The following KCNIP4 variants were observed in gnomAD, a reference collection of about 807,000 sequenced individuals.
KCNIP4 encodes the protein Kv channel-interacting protein 4.
A neutral mutation model predicts 34.0 loss-of-function variants in KCNIP4; 12 were observed. The ratio of observed to expected loss-of-function variants is 0.35; its 90% CI spans 0.23 to 0.57. The LOEUF (loss-of-function observed/expected upper bound fraction) is 0.57, where lower values mean the gene tolerates loss of function less well. Among genes scored for constraint, KCNIP4 ranks in the 20% least tolerant of loss-of-function variants. KCNIP4 has a pLI of 0.83. For missense variants in KCNIP4, 238 were observed against 311.7 expected, an observed-to-expected ratio of 0.76 and a Z score of 1.78; for synonymous variants, 124 against 102.2, an observed-to-expected ratio of 1.21 and a Z score of -1.29.
chr4:20,813,975 AT>A (rs1232337288), intron 3 of KCNIP4, among the ~76,000 whole-genome samples: 3 of 152,186 alleles, frequency 2.0e-5, no homozygotes, highest in Non-Finnish European at 2.9e-5. Context: ...AGAAAGCCAA[AT>A]GCAGAGGTAT....
intron 1 of KCNIP4, among the ~76,000 whole-genome samples, chr4:21,799,893 C>T (rs1013458183): frequency 2.0e-5 from 3 of 152,188 alleles, no homozygotes; most frequent in Non-Finnish European, 4.4e-5. Flanking sequence ...TCCTTATCAT[C>T]TGTAGTTTCA....
At chr4:21,206,798 T>C (rs532975861) in intron 1 of KCNIP4, among the ~76,000 whole-genome samples, 1 of 152,324 alleles carries the variant, frequency 6.6e-6, no homozygotes, top group East Asian at 1.9e-4. Context: ...TTTAGAGAAG[T>C]TAAGCAATAT....
At chr4:21,456,967 C>A (rs1449450950) in intron 1 of KCNIP4, among the ~76,000 whole-genome samples, 1 of 152,058 alleles carries the variant, frequency 6.6e-6, no homozygotes, top group Non-Finnish European at 1.5e-5. Context: ...GTTTTCACAT[C>A]TTCTCTGATG....
intron 1 of KCNIP4, among the ~76,000 whole-genome samples, chr4:21,263,718 A>C (rs1326053674): frequency 6.6e-6 from 1 of 152,054 alleles, no homozygotes; most frequent in Non-Finnish European, 1.5e-5. Context: ...TGCAGGCTAG[A>C]GTGATCGTAG....
At chr4:20,802,177 T>C (rs976023179) in intron 3 of KCNIP4, among the ~76,000 whole-genome samples, 2 of 111,390 alleles carry the variant, frequency 1.8e-5, no homozygotes, top group Admixed American at 1.0e-4. Flanking sequence ...ATATATGCTA[T>C]ATATATGCTA....
intron 1 of KCNIP4, among the ~76,000 whole-genome samples, chr4:21,198,366 T>A (rs777579452): frequency 2.0e-5 from 3 of 152,186 alleles, no homozygotes; most frequent in Non-Finnish European, 4.4e-5. Context: ...ATAATTTAAT[T>A]GGGAGGGTAA....
rs142059945 is a variant in KCNIP4, at chr4:21,893,053, A to G, written c.61+55518T>C. On this transcript the variant is annotated intron_variant, in intron 1 of 8. Coordinates refer to ENST00000382152, the MANE Select transcript of KCNIP4 (RefSeq NM_025221.6). The stretch of plus-strand genomic sequence containing the variant: ...TTGCCAATCACAAGTTACAGACACA[A>G]TGACATTTCAGGTAACCTAATGCAT... Among the ~76,000 whole-genome samples the G allele has an allele frequency of 2.3e-3, 344 of 152,330 alleles. 1 individual carries two copies. Among genetic ancestry groups the G allele is most frequent in the Middle Eastern group, 6.8e-3 (2 of 294 alleles).
intron 1 of KCNIP4, among the ~76,000 whole-genome samples, chr4:21,690,888 T>C (rs1394548505): frequency 6.6e-6 from 1 of 152,098 alleles, no homozygotes; most frequent in African/African-American, 2.4e-5. Context: ...AATGTATAGG[T>C]TTACTTTACT....
intron 1 of KCNIP4, among the ~76,000 whole-genome samples, chr4:21,149,186 A>G (rs954859068): frequency 6.6e-6 from 1 of 152,230 alleles, no homozygotes; most frequent in African/African-American, 2.4e-5. Context: ...AGAGGGTTTT[A>G]TAGTTTTGGG....
At chr4:20,977,583 A>G (rs1434629261) in intron 1 of KCNIP4, among the ~76,000 whole-genome samples, 1 of 152,160 alleles carries the variant, frequency 6.6e-6, no homozygotes, top group Non-Finnish European at 1.5e-5. Context: ...GTAAGTAAAA[A>G]TAATTAGAAC....
chr4:21,098,363 T>G (rs1032861982), intron 1 of KCNIP4, among the ~76,000 whole-genome samples: 1 of 152,204 alleles, frequency 6.6e-6, no homozygotes, highest in South Asian at 2.1e-4. Flanking sequence ...TCTAGGACTT[T>G]CATAGCTGTG....
chr4:20,868,562 A>G (rs1395704898), intron 2 of KCNIP4, among the ~76,000 whole-genome samples: 1 of 152,152 alleles, frequency 6.6e-6, no homozygotes, highest in Non-Finnish European at 1.5e-5. Context: ...TGTGCTCTTC[A>G]CAATAGCAAA....
At chr4:21,240,885 A>G (rs1178693598) in intron 1 of KCNIP4, among the ~76,000 whole-genome samples, 3 of 146,028 alleles carry the variant, frequency 2.1e-5, no homozygotes, top group Non-Finnish European at 4.7e-5. Flanking sequence ...TTTTCTTCTC[A>G]AAGTCTACTG....
rs147702012 is a variant in KCNIP4, at chr4:21,703,457, G to A, written c.61+245114C>T. ...AAACCATCATTCTCAGCAAACTATC[G>A]CAAGGACAAAAAACCAAACACCACA... On this transcript the variant is annotated intron_variant, in intron 1 of 8. Coordinates refer to ENST00000382152, the MANE Select transcript of KCNIP4 (RefSeq NM_025221.6). Among the ~76,000 whole-genome samples, 785 of 151,900 alleles carry A rather than the reference G, an allele frequency of 5.2e-3. 9 individuals are homozygous for A. The highest frequency in any genetic ancestry group is 0.021 in the South Asian group (99 of 4,812).
At chr4:21,126,633 G>GA (rs796803101) in intron 1 of KCNIP4, among the ~76,000 whole-genome samples, 5 of 117,806 alleles carry the variant, frequency 4.2e-5, no homozygotes, top group African/African-American at 1.2e-4. Flanking sequence ...AAAAAAAAAA[G>GA]AAAAGAAAAA....
At chr4:21,568,697 C>T (rs1204202131) in intron 1 of KCNIP4, among the ~76,000 whole-genome samples, 1 of 152,118 alleles carries the variant, frequency 6.6e-6, no homozygotes, top group Non-Finnish European at 1.5e-5. Flanking sequence ...GCCAGGGGCT[C>T]TCTGTGGCCT....
intron 3 of KCNIP4, among the ~76,000 whole-genome samples, chr4:20,764,848 C>T (rs1405129590): frequency 6.6e-6 from 1 of 152,186 alleles, no homozygotes; most frequent in African/African-American, 2.4e-5. Flanking sequence ...CAGACAGGGT[C>T]GCTGTGATGG....
chr4:20,953,251 G>A (rs746062429), intron 1 of KCNIP4, among the ~76,000 whole-genome samples: 4 of 151,986 alleles, frequency 2.6e-5, no homozygotes, highest in Non-Finnish European at 5.9e-5. Flanking sequence ...CTCTCTTCAG[G>A]GAACCTCAGA....
At chr4:21,430,896 C>T (rs183206082) in intron 1 of KCNIP4, among the ~76,000 whole-genome samples, 16 of 151,402 alleles carry the variant, frequency 1.1e-4, no homozygotes, top group African/African-American at 2.7e-4. Context: ...AAAATAGTTA[C>T]GCAATTTCAA....
Sources: allele counts gnomAD v4.1 joint callset (sites outside exome capture counted in the v4.1 genomes callset), GRCh38; gene constraint gnomAD v4.1.1; transcripts MANE v1.5; gene names NCBI Gene and HGNC (gene_info 2026-07-23, HGNC 2026-07-21).